The following RNASET2 variants were observed in gnomAD, a reference collection of about 807,000 sequenced individuals.
The protein encoded by RNASET2 is ribonuclease 6.
RNASET2 carries 28 observed loss-of-function variants against 33.9 expected under a neutral mutation model. The observed-to-expected ratio is 0.83, with a 90% CI of 0.61 to 1.13. The LOEUF is 1.13. Among genes scored for constraint, RNASET2 ranks in the 50% most tolerant of loss-of-function variants. The pLI is 0.00. For missense variants in RNASET2, 330 were observed against 319.9 expected (o/e 1.03, Z -0.24); for synonymous variants, 123 against 121.0 (o/e 1.02, Z -0.11).
At chr6:166,948,721 AT>A in intron 2 of RNASET2, 96 bp from the exon 3 acceptor site, 1 of 803,438 alleles carries the variant, frequency 1.2e-6, no homozygotes, top group Non-Finnish European at 2.2e-6. Flanking sequence ...TAGTTGCAAC[AT>A]ATGCCAACGA....
Position 166,927,037 on chromosome 6 carries a change from C to T in RNASET2, c.*2551G>A, listed in dbSNP as rs541509457. 3.3e-5 allele frequency among the ~76,000 whole-genome samples: 5 copies of T among 152,308 alleles called. 1 individual carries two copies. In the South Asian group the frequency reaches 6.2e-4, roughly 19 times the overall value. On this transcript the variant is annotated 3_prime_UTR_variant, in exon 9 of 9. Transcript: ENST00000508775. The stretch of plus-strand genomic sequence containing the variant: ...TTCCACACATACGAGCCTGAGACCC[C>T]GCTCACATGGGAGGCATTTCTCAGT...
intron 1 of RNASET2, chr6:166,955,341 G>T (rs1374421634): frequency 9.5e-6 from 1 of 104,962 alleles, no homozygotes; most frequent in Non-Finnish European, 1.3e-5. Flanking sequence ...GCACGCACAC[G>T]CACACGCACG....
At chr6:166,934,399 T>C (rs1778518358) in intron 6 of RNASET2, 1 of 476,730 alleles carries the variant, frequency 2.1e-6, no homozygotes. Context: ...ATGGGAGCGC[T>C]GGGGCCACCA....
At chr6:166,953,277 C>G (rs1161094166) in intron 1 of RNASET2, 1 of 152,524 alleles carries the variant, frequency 6.6e-6, no homozygotes, top group Non-Finnish European at 1.5e-5. Context: ...TTCAAAGAAG[C>G]CACTGTGGAG....
chr6:166,942,931 CCA>C (rs906218570), intron 5 of RNASET2, 86 bp downstream of exon 5: 9 of 1,047,748 alleles, frequency 8.6e-6, no homozygotes, highest in Middle Eastern at 2.0e-4. Flanking sequence ...ATCTTGCTTC[CCA>C]CACAGTTTCC....
Position 166,930,211 on chromosome 6 carries a change from G to A in RNASET2, c.568-420C>T, listed in dbSNP as rs78667922. 3.6e-3 allele frequency among the ~76,000 whole-genome samples: 548 copies of A among 152,330 alleles called. 2 individuals carry two copies. The highest frequency in any genetic ancestry group is 6.4e-3 in the Non-Finnish European group (436 of 68,028). On this transcript the variant is annotated intron_variant, in intron 8 of 8. Coordinates refer to ENST00000508775, the MANE Select transcript of RNASET2 (RefSeq NM_003730.6). ...CAGTACCCTATTGCTAAAAGAACAG[G>A]TATATTCTTGTTAAAGATAAGCAAG...
chr6:166,943,380 C>T (rs770968457), intron 4 of RNASET2: 450 of 367,158 alleles, frequency 1.2e-3, no homozygotes, highest in Admixed American at 2.1e-3. Context: ...ACCAATGAGC[C>T]GTCGAGTCAT....
intron 1 of RNASET2, chr6:166,955,552 G>C (rs1779143508): frequency 4.1e-6 from 4 of 986,884 alleles, no homozygotes; most frequent in African/African-American, 3.5e-5. Flanking sequence ...TTCGACCTCT[G>C]AGAGAACTTC....
chr6:166,953,879 C>CAAAAAAAAAAAAAAAAAAA (rs548523987), intron 1 of RNASET2, among the ~76,000 whole-genome samples: 2 of 110,734 alleles, frequency 1.8e-5, no homozygotes, highest in East Asian at 5.6e-4. Context: ...GACCCTGTCT[C>CAAAAAAAAAAAAAAAAAAA]AAAAAAAAAA....
rs558430319 is a variant in RNASET2 at position 166,928,721 on chromosome 6, T to C, written c.*867A>G. On this transcript the variant is annotated 3_prime_UTR_variant, in exon 9 of 9. Coordinates refer to ENST00000508775, the MANE Select transcript of RNASET2 (RefSeq NM_003730.6). The stretch of plus-strand genomic sequence containing the variant: ...GCCCCCAGATGCCTCACTCCACGAG[T>C]GAAATCCCTGCACGGCAGGCCGAGA... Among the ~76,000 whole-genome samples, 1 of 152,080 alleles carries C rather than the reference T, an allele frequency of 6.6e-6. No individual in the cohort carries two copies. Among genetic ancestry groups the C allele is most frequent in the Non-Finnish European group, 1.5e-5 (1 of 67,978 alleles).
intron 7 of RNASET2, 161 bp from the exon 8 acceptor site, chr6:166,931,279 C>A (rs1008863487): frequency 1.4e-5 from 9 of 661,512 alleles, no homozygotes; most frequent in Non-Finnish European, 2.5e-5. Flanking sequence ...CCTCCACCAG[C>A]GAAGCAGAGG....
At chr6:166,949,202 A>G in intron 2 of RNASET2, among the ~76,000 whole-genome samples, 1 of 144,726 alleles carries the variant, frequency 6.9e-6, no homozygotes, top group South Asian at 2.2e-4. Flanking sequence ...GTGTCTCCAA[A>G]AAAAAAAAAA....
At position 166,934,187 on chromosome 6, in the gene RNASET2, T is replaced by G. The variant is rs769412781; in HGVS notation, c.447-51A>C. The G allele has an allele frequency of 4.3e-6, 5 of 1,160,116 alleles. No individual in the cohort carries two copies. In the Admixed American group the frequency reaches 6.7e-5, roughly 16 times the overall value. 71.9% of individuals were successfully genotyped at this position (1,160,116 alleles called of 1,614,324 possible). On this transcript the variant is annotated intron_variant, in intron 6 of 8. Transcript: ENST00000508775. ...GCTGTATAATGAAGGTCCACTTTGC[T>G]TTCTTGTTCTTTTCAGGTATCATAT...
In RNASET2 at chr6:166,933,935, AT is replaced by A. The variant is rs1307888349; in HGVS notation, c.492+155del. The A allele has an allele frequency of 2.8e-6, 2 of 721,710 alleles. No individual in the cohort carries two copies. Among genetic ancestry groups the A allele is most frequent in the African/African-American group, 3.5e-5 (2 of 57,030 alleles). The allele number at this position is 721,710 out of a possible 1,614,324, so 44.7% of individuals were successfully genotyped here. ...GCTCCTACTCAACATGCGCAGGAAA[AT>A]AAAATGCAAATAAAATCTGTTCACA... On this transcript the variant is annotated intron_variant, in intron 7 of 8. Coordinates refer to ENST00000508775, the MANE Select transcript of RNASET2 (RefSeq NM_003730.6). This position sits in a 1 kb window ranked among gnomAD's most constrained non-coding sequence, Gnocchi z 4.1.
intron 8 of RNASET2, 81 bp from the exon 9 acceptor site, chr6:166,929,872 C>A (rs1778378723): frequency 7.2e-7 from 1 of 1,384,770 alleles, no homozygotes; most frequent in African/African-American, 1.4e-5. Flanking sequence ...ACTTTTAGAA[C>A]TTTTAGAAGA....
chr6:166,943,482 C>T (rs966982907), intron 4 of RNASET2: 7 of 323,034 alleles, frequency 2.2e-5, no homozygotes, highest in African/African-American at 1.1e-4. Flanking sequence ...AACGACGTGA[C>T]AATTTGGAAA....
chr6:166,948,802 A>G (rs768422475), intron 2 of RNASET2, among the ~76,000 whole-genome samples, 177 bp from the exon 3 acceptor site: 4 of 152,350 alleles, frequency 2.6e-5, no homozygotes, highest in Non-Finnish European at 5.9e-5. Context: ...TTACAACAAC[A>G]CATCCATGAG....
Position 166,946,710 on chromosome 6 carries a change from G to T in RNASET2, c.233C>A (p.Ser78Ter), listed in dbSNP as rs1434250650. ...AATCTCTTCTAAATTGAAGGGCCACGATCTATTACATCCTTCACTTTTATC... is the reference window on the plus strand; with the variant it reads ...AATCTCTTCTAAATTGAAGGGCCACTATCTATTACATCCTTCACTTTTATC... ...WPDKSEGCNR[S>*]WPFNLEEIKD... The change falls in exon 4 of 9, where the codon TCG becomes TAG. Residue 78 changes from serine (S) to a stop codon, truncating the protein, a stop_gained. Coordinates refer to ENST00000508775, the MANE Select transcript of RNASET2 (RefSeq NM_003730.6). LOFTEE classifies it high-confidence loss of function. The T allele has an allele frequency of 6.4e-7, 1 of 1,565,492 alleles. No individual in the cohort carries two copies. The highest frequency in any genetic ancestry group is 8.7e-7 in the Non-Finnish European group (1 of 1,145,798).
Position 166,954,012 on chromosome 6 carries a change from G to A in RNASET2, c.87-1464C>T, listed in dbSNP as rs1779048586. ...AAAGCTTAGCAACACCCAGGAAGAT[G>A]AGACTATCAATATGCTTACAACAAA... On this transcript the variant is annotated intron_variant, in intron 1 of 8. Transcript: ENST00000508775. Among the ~76,000 whole-genome samples, 3 of 152,230 alleles carry A rather than the reference G, an allele frequency of 2.0e-5. No homozygotes were observed. In the South Asian group the frequency reaches 6.2e-4, roughly 32 times the overall value.
Sources: allele counts gnomAD v4.1 joint callset (sites outside exome capture counted in the v4.1 genomes callset), GRCh38; gene constraint gnomAD v4.1.1; non-coding constraint Gnocchi (gnomAD v3.1); transcripts MANE v1.5; gene names NCBI Gene and HGNC (gene_info 2026-07-23, HGNC 2026-07-21).